Variants in CACNA1C observed in about 807,000 individuals in gnomAD.
The protein encoded by CACNA1C is voltage-dependent L-type calcium channel subunit alpha-1C.
Under a neutral mutation model 229.0 loss-of-function variants are expected in CACNA1C, and 30 were observed. The ratio of observed to expected loss-of-function variants is 0.13; its 90% CI spans 0.10 to 0.18. The LOEUF (loss-of-function observed/expected upper bound fraction) is 0.18. Ranked by LOEUF, CACNA1C falls within the 10% of genes least tolerant of loss-of-function variation. CACNA1C has a pLI of 1.00. For synonymous variants in CACNA1C, 1,114 were observed against 1,132.5 expected (o/e 0.98, Z 0.33); for missense variants, 1,658 against 2,845.0 (o/e 0.58, Z 9.49).
intron 10 of CACNA1C, 28 bp from the exon 11 acceptor site, chr12:2,556,923 T>C: frequency 6.2e-7 from 1 of 1,604,220 alleles, no homozygotes; most frequent in South Asian, 1.1e-5. Context: ...TGTCCATCCT[T>C]TGGTAACATT....
At position 2,519,816 on chromosome 12, in the gene CACNA1C, T is replaced by G. The variant is rs183403514; in HGVS notation, c.1390+6832T>G. Among the ~76,000 whole-genome samples the G allele has an allele frequency of 4.2e-3, 637 of 152,308 alleles. 4 individuals carry two copies. Among genetic ancestry groups the G allele is most frequent in the African/African-American group, 0.015 (618 of 41,562 alleles). On this transcript the variant is annotated intron_variant, in intron 9 of 46. Transcript: ENST00000399655. The stretch of plus-strand genomic sequence containing the variant: ...CCAAAGCGGGGCGTGGGGGCCATGT[T>G]GTAGTAAGGATCCAGAAGGGGTCTG...
chr12:2,102,938 T>A (rs1294871643), intron 1 of CACNA1C, among the ~76,000 whole-genome samples: 5 of 152,256 alleles, frequency 3.3e-5, no homozygotes, highest in African/African-American at 1.2e-4. Context: ...GGCTGCATAG[T>A]ATTCCATGGC....
At chr12:2,283,693 C>T (rs116300377) in intron 3 of CACNA1C, among the ~76,000 whole-genome samples, 1 of 152,160 alleles carries the variant, frequency 6.6e-6, no homozygotes, top group Non-Finnish European at 1.5e-5. Flanking sequence ...AGTGCTGATT[C>T]GGGAGATCCA....
chr12:2,382,049 A>C (rs2098263363), intron 3 of CACNA1C, among the ~76,000 whole-genome samples: 1 of 152,218 alleles, frequency 6.6e-6, no homozygotes, highest in Non-Finnish European at 1.5e-5. Context: ...TTCCCTTCTT[A>C]AACTGGGGTT....
rs1188161314 is a variant in CACNA1C, at chr12:2,666,989, T to A, written c.4623+207T>A. 6.6e-6 allele frequency among the ~76,000 whole-genome samples: 1 copy of A among 152,202 alleles called. No individual in the cohort carries two copies. Among genetic ancestry groups the A allele is most frequent in the Non-Finnish European group, 1.5e-5 (1 of 68,036 alleles). On this transcript the variant is annotated intron_variant, in intron 37 of 46. Transcript: ENST00000399655. This position sits in a 1 kb window ranked among gnomAD's most constrained non-coding sequence, Gnocchi z 5.3. ...TCCTACTGAGCCAGGGACCCAGTCC[T>A]GGATAAAGGACTTGTTCAGTCCATC...
chr12:2,311,983 T>C (rs982298121), intron 3 of CACNA1C, among the ~76,000 whole-genome samples: 3 of 152,210 alleles, frequency 2.0e-5, no homozygotes, highest in African/African-American at 7.2e-5. Flanking sequence ...CTCTTTGGGA[T>C]TATGTAAACT....
intron 3 of CACNA1C, among the ~76,000 whole-genome samples, chr12:2,360,701 C>T (rs1047169186): frequency 6.6e-6 from 1 of 152,212 alleles, no homozygotes; most frequent in Non-Finnish European, 1.5e-5. Context: ...AAGGAGACAC[C>T]CGGACTGGAC....
intron 3 of CACNA1C, among the ~76,000 whole-genome samples, chr12:2,405,140 T>C (rs1383723984): frequency 6.6e-6 from 1 of 152,268 alleles, no homozygotes; most frequent in Admixed American, 6.5e-5. Context: ...CAAGTCACTT[T>C]AAATTTTTTA....
At chr12:2,545,212 A>ATTTTTT (rs56971243) in intron 9 of CACNA1C, among the ~76,000 whole-genome samples, 5 of 131,650 alleles carry the variant, frequency 3.8e-5, no homozygotes, top group Admixed American at 1.6e-4. Context: ...CAAAACAATG[A>ATTTTTT]TTTTTTTTTT....
intron 3 of CACNA1C, among the ~76,000 whole-genome samples, chr12:2,442,561 T>C (rs2099239028): frequency 6.6e-6 from 1 of 152,234 alleles, no homozygotes; most frequent in Non-Finnish European, 1.5e-5. Flanking sequence ...AGCAGGGTCC[T>C]CCAGGAGCAC....
chr12:2,016,013 G>A (rs765088475), intron 1 of CACNA1C, among the ~76,000 whole-genome samples: 33 of 152,184 alleles, frequency 2.2e-4, no homozygotes, highest in Non-Finnish European at 3.7e-4. Context: ...TCAGGTCTCC[G>A]ATTTCCAGGC....
In CACNA1C at chr12:2,089,113, G is replaced by A. The variant is rs1007286235; in HGVS notation, c.50-26111G>A. ...TACTGCTGATTCTGTGCTCTTGAGG[G>A]ATTCATGGTTCGTGCACACGTGGAA... is the stretch of plus-strand genomic sequence containing the variant. On this transcript the variant is annotated intron_variant, in intron 1 of 46. Coordinates refer to ENST00000399655, the MANE Select transcript of CACNA1C (RefSeq NM_000719.7). 3.9e-5 allele frequency among the ~76,000 whole-genome samples: 6 copies of A among 152,242 alleles called. No individual in the cohort carries two copies. The South Asian group carries it at 1.2e-3, about 32-fold the overall frequency.
In CACNA1C at chr12:2,664,812, C is replaced by T. The variant is rs1159749584; in HGVS notation, c.4233-13C>T. The T allele has an allele frequency of 1.9e-6, 3 of 1,560,878 alleles. No homozygotes were observed. The highest frequency in any genetic ancestry group is 1.4e-5 in the African/African-American group (1 of 74,028). On this transcript the variant is annotated splice_polypyrimidine_tract_variant and intron_variant, in intron 34 of 46. Transcript: ENST00000399655. ...GGATGGGCTGCATGAACGTGGCTCTCCCTCCCCTCCAGGTGTGCCACCGGG... is the reference window on the plus strand; with the variant it reads ...GGATGGGCTGCATGAACGTGGCTCTTCCTCCCCTCCAGGTGTGCCACCGGG...
rs371654949 is a variant in CACNA1C, at chr12:2,567,750, C to T, written c.1851C>T (p.Ser617=). 1.4e-5 allele frequency: 22 copies of T among 1,613,150 alleles called. No individual in the cohort carries two copies. The highest frequency in any genetic ancestry group is 3.3e-5 in the South Asian group (3 of 90,942). ...ETKIMSPLGI[S]VLRCVRLLRI... Reference sequence around the variant, plus strand: ...AGATCATGTCCCCACTGGGCATCTCCGTGCTCAGATGCGTCCGGCTGCTGA... The same window carrying T: ...AGATCATGTCCCCACTGGGCATCTCTGTGCTCAGATGCGTCCGGCTGCTGA... The change falls in exon 13 of 47, where the codon TCC becomes TCT. Residue 617 remains serine, a synonymous_variant. Coordinates refer to ENST00000399655, the MANE Select transcript of CACNA1C (RefSeq NM_000719.7).
rs981519312 is a variant in CACNA1C at position 1,971,092 on chromosome 12, G to A, written c.30G>A (p.Thr10=). Reference sequence around the variant, plus strand: ...TTCGAGCCTTTGTTCAGCCTGGTACGCCTGCATACCAGCCGCTTCCCAGCC... The same window carrying A: ...TTCGAGCCTTTGTTCAGCCTGGTACACCTGCATACCAGCCGCTTCCCAGCC... Residue 10 remains threonine (T), a synonymous_variant, in exon 1 of 47, where the codon ACG becomes ACA. Transcript: ENST00000682462. This position sits in a 1 kb window ranked among gnomAD's most constrained non-coding sequence, Gnocchi z 4.2. The A allele has an allele frequency of 3.5e-5, 45 of 1,289,264 alleles. No individual in the cohort carries two copies. The highest frequency in any genetic ancestry group is 4.2e-5 in the Non-Finnish European group (42 of 988,612). 79.9% of individuals were successfully genotyped at this position (1,289,264 alleles called of 1,614,324 possible). A position where few individuals can be genotyped will look rare whatever the true frequency, so the allele number is the denominator to read the frequency against.
chr12:2,320,129 T>C lies in CACNA1C; in HGVS notation c.478-128847T>C, dbSNP rs78837313. ...TCCCCTGCCTGAGGATAAGCCACAG[T>C]GTTACTGACCTGGGCCCCTGACTCC... On this transcript the variant is annotated intron_variant, in intron 3 of 46. Transcript: ENST00000399655. Among the ~76,000 whole-genome samples, 12 of 152,248 alleles carry C rather than the reference T, an allele frequency of 7.9e-5. No homozygotes were observed. In the East Asian group the frequency reaches 2.3e-3, roughly 29 times the overall value.
chr12:2,419,958 A>G (rs2154555818), intron 3 of CACNA1C, among the ~76,000 whole-genome samples: 1 of 152,252 alleles, frequency 6.6e-6, no homozygotes, highest in East Asian at 1.9e-4. Context: ...ACCCGCCACC[A>G]GTCTCCAATT....
chr12:2,196,360 C>A (rs2097402698), intron 3 of CACNA1C, among the ~76,000 whole-genome samples: 1 of 152,216 alleles, frequency 6.6e-6, no homozygotes, highest in Admixed American at 6.5e-5. Flanking sequence ...GTGATAAAGT[C>A]AAGTCAGAAT....
intron 38 of CACNA1C, among the ~76,000 whole-genome samples, chr12:2,669,435 G>A (rs548037663): frequency 1.3e-5 from 2 of 152,206 alleles, no homozygotes; most frequent in African/African-American, 4.8e-5. Context: ...TGGCCCATGG[G>A]CTGCAGGTTA....
Sources: allele counts gnomAD v4.1 joint callset (sites outside exome capture counted in the v4.1 genomes callset), GRCh38; gene constraint gnomAD v4.1.1; non-coding constraint Gnocchi (gnomAD v3.1); transcripts MANE v1.5; gene names NCBI Gene and HGNC (gene_info 2026-07-23, HGNC 2026-07-21).